Variants in SYCP2L observed in about 807,000 individuals in gnomAD.
SYCP2L encodes the protein synaptonemal complex protein 2 like.
A neutral mutation model predicts 125.8 loss-of-function variants in SYCP2L; 98 were observed. The observed-to-expected ratio is 0.78, with a 90% CI of 0.66 to 0.92. SYCP2L has a LOEUF of 0.92. SYCP2L is among the 40% of genes least tolerant of loss of function. The pLI is 0.00. For missense variants in SYCP2L, 842 were observed against 936.4 expected, an observed-to-expected ratio of 0.90 and a Z score of 1.32; for synonymous variants, 317 against 325.4, an observed-to-expected ratio of 0.97 and a Z score of 0.28.
intron 14 of SYCP2L, among the ~76,000 whole-genome samples, chr6:10,917,278 T>C (rs967894647): frequency 1.4e-4 from 22 of 152,250 alleles, no homozygotes; most frequent in African/African-American, 5.3e-4. Flanking sequence ...TTGCTGTCTA[T>C]CTCATTTCTT....
intron 29 of SYCP2L, among the ~76,000 whole-genome samples, chr6:10,971,985 G>A (rs1241166067): frequency 1.3e-5 from 2 of 152,074 alleles, no homozygotes; most frequent in African/African-American, 4.8e-5. Context: ...CTATAAATAT[G>A]TATTAATTGA....
In SYCP2L at chr6:10,961,338, T is replaced by G; in HGVS notation, c.2289T>G (p.Val763=). The G allele has an allele frequency of 6.2e-7, 1 of 1,614,186 alleles. No homozygotes were observed. The highest frequency in any genetic ancestry group is 8.5e-7 in the Non-Finnish European group (1 of 1,180,024). ...AACTAGAGCGCTTTCAAAATTTGGT[T>G]CTTCAAGAGTTGAGCAGTCTTAAGC... ...LNKLERFQNL[V]LQELSSLKQD... Residue 763 remains valine, a synonymous_variant, in exon 27 of 30, where the codon GTT becomes GTG. Coordinates refer to ENST00000283141, the MANE Select transcript of SYCP2L (RefSeq NM_001040274.3).
chr6:10,918,423 C>T (rs1008134350), intron 14 of SYCP2L, among the ~76,000 whole-genome samples: 2 of 151,934 alleles, frequency 1.3e-5, no homozygotes, highest in South Asian at 2.1e-4. Context: ...CACATTTGGT[C>T]GTTTAACATC....
chr6:10,927,099 T>G, intron 16 of SYCP2L, 141 bp from the exon 17 acceptor site: 1 of 1,401,368 alleles, frequency 7.1e-7, no homozygotes, highest in Non-Finnish European at 9.4e-7. Flanking sequence ...AGCTTTCTGA[T>G]TGGAGGTTTG....
At chr6:10,905,860 G>T (rs1396776949) in intron 8 of SYCP2L, among the ~76,000 whole-genome samples, 160 bp from the exon 9 acceptor site, 1 of 152,084 alleles carries the variant, frequency 6.6e-6, no homozygotes, top group Non-Finnish European at 1.5e-5. Context: ...ACTTGAGAAG[G>T]TTTTTCCATA....
chr6:10,941,301 T>C (rs185333101), intron 21 of SYCP2L, among the ~76,000 whole-genome samples: 2 of 152,078 alleles, frequency 1.3e-5, no homozygotes, highest in East Asian at 3.9e-4. Context: ...AATTGACAAA[T>C]GGGATCTAAT....
At chr6:10,922,745 T>TC (rs1780822244) in intron 14 of SYCP2L, 1 of 152,110 alleles carries the variant, frequency 6.6e-6, no homozygotes, top group Non-Finnish European at 1.5e-5. Flanking sequence ...TTTGGGGAGA[T>TC]CATGGAGGCT....
intron 21 of SYCP2L, 54 bp downstream of exon 21, chr6:10,935,241 A>G: frequency 6.4e-7 from 1 of 1,564,442 alleles, no homozygotes; most frequent in African/African-American, 1.4e-5. Context: ...TGGGAAAGGT[A>G]GTTTGAAGTA....
At chr6:10,944,118 T>C (rs1317738959) in intron 23 of SYCP2L, among the ~76,000 whole-genome samples, 2 of 152,248 alleles carry the variant, frequency 1.3e-5, no homozygotes, top group African/African-American at 4.8e-5. Flanking sequence ...ATTTTACATA[T>C]GCCAAACTTT....
rs9791208 is a variant in SYCP2L, at chr6:10,961,416, T to C, written c.2355+12T>C. On this transcript the variant is annotated intron_variant, in intron 27 of 29. Transcript: ENST00000283141. ...AGAAGGAGGTTCTGGTAAGTTCTTT[T>C]TGTGTGGAACATTTTCTGACTTCGG... 0.25 allele frequency: 402,567 copies of C among 1,613,558 alleles called. 52,733 individuals carry two copies. The highest frequency in any genetic ancestry group is 0.27 in the Middle Eastern group (1,618 of 6,062).
At chr6:10,907,892 G>GTTTTTTTTTTGTTTTTTTTTT (rs1780526954) in intron 10 of SYCP2L, among the ~76,000 whole-genome samples, 1 of 91,922 alleles carries the variant, frequency 1.1e-5, no homozygotes, top group African/African-American at 4.1e-5. Context: ...ATACAGATAG[G>GTTTTTTTTTTGTTTTTTTTTT]TTTTTTTTTT....
At chr6:10,927,098 A>T (rs1051502257) in intron 16 of SYCP2L, 142 bp from the exon 17 acceptor site, 11 of 1,410,374 alleles carry the variant, frequency 7.8e-6, no homozygotes, top group Admixed American at 2.8e-5. Context: ...TAGCTTTCTG[A>T]TTGGAGGTTT....
intron 28 of SYCP2L, among the ~76,000 whole-genome samples, chr6:10,962,295 T>TATATTCCTATGCATATATTCCTATGCAA (rs1781607478): frequency 6.7e-6 from 1 of 150,038 alleles, no homozygotes; most frequent in Admixed American, 6.8e-5. Flanking sequence ...TTCCTATGCA[T>TATATTCCTATGCATATATTCCTATGCAA]ATATTCCAAA....
In SYCP2L at chr6:10,933,158, A is replaced by C. The variant is rs192056893; in HGVS notation, c.1683+1669A>C. ...TTTCTACAAATACTGGTATTCAAAA[A>C]TATACTTCTCTCTGTATAAGAGAAT... On this transcript the variant is annotated intron_variant, in intron 20 of 29. Transcript: ENST00000283141. 3.1e-3 allele frequency among the ~76,000 whole-genome samples: 471 copies of C among 152,338 alleles called. 1 individual carries two copies. Among genetic ancestry groups the C allele is most frequent in the Non-Finnish European group, 5.0e-3 (341 of 68,034 alleles).
chr6:10,958,821 C>T lies in SYCP2L; in HGVS notation c.2201C>T (p.Ala734Val). The T allele has an allele frequency of 6.2e-7, 1 of 1,613,520 alleles. No homozygotes were observed. Among genetic ancestry groups the T allele is most frequent in the Non-Finnish European group, 8.5e-7 (1 of 1,179,846 alleles). ...YRKRPFNSEN[A>V]KKAPDCLIKL... ...AAGCGTCCGTTTAATTCAGAAAATG[C>T]AAAGAAAGCACCGGATTGCCTAATA... is the stretch of plus-strand genomic sequence containing the variant. Residue 734 changes from alanine to valine, a missense_variant, in exon 26 of 30, where the codon GCA (alanine) becomes GTA (valine). Transcript: ENST00000283141.
chr6:10,937,472 A>G (rs1442201620), intron 21 of SYCP2L, among the ~76,000 whole-genome samples: 4 of 152,178 alleles, frequency 2.6e-5, no homozygotes, highest in Admixed American at 1.3e-4. Context: ...ATAAATACCT[A>G]CCTTAAGAAA....
At chr6:10,932,177 A>G (rs1216502465) in intron 20 of SYCP2L, among the ~76,000 whole-genome samples, 1 of 151,976 alleles carries the variant, frequency 6.6e-6, no homozygotes, top group African/African-American at 2.4e-5. Context: ...AATTATTTAG[A>G]CATTTATTTT....
At chr6:10,946,764 C>T (rs1425890956) in intron 23 of SYCP2L, among the ~76,000 whole-genome samples, 1 of 151,698 alleles carries the variant, frequency 6.6e-6, no homozygotes, top group Non-Finnish European at 1.5e-5. Context: ...ATGATTTTTT[C>T]CATTTATCCT....
At position 10,926,402 on chromosome 6, in the gene SYCP2L, G is replaced by A; in HGVS notation, c.1282G>A (p.Glu428Lys). 6.2e-7 allele frequency: 1 copy of A among 1,613,834 alleles called. No individual in the cohort carries two copies. The highest frequency in any genetic ancestry group is 8.5e-7 in the Non-Finnish European group (1 of 1,179,840). ...LFSKSDKEDR[E>K]SPSGLERETE... ...TAGTAAGTCTGATAAAGAAGACAGG[G>A]AGAGTCCCAGTGGCCTTGAAAGAGA... Residue 428 changes from glutamate to lysine, a missense_variant, in exon 16 of 30, where the codon GAG becomes AAG. Transcript: ENST00000283141.
Sources: allele counts gnomAD v4.1 joint callset (sites outside exome capture counted in the v4.1 genomes callset), GRCh38; gene constraint gnomAD v4.1.1; transcripts MANE v1.5; gene names NCBI Gene and HGNC (gene_info 2026-07-23, HGNC 2026-07-21).